Variants in NPHS1 observed in about 807,000 individuals in gnomAD.
NPHS1 encodes the protein NPHS1 adhesion molecule, nephrin.
NPHS1 carries 107 observed loss-of-function variants against 139.7 expected under a neutral mutation model. The ratio of observed to expected loss-of-function variants is 0.77; its 90% CI spans 0.66 to 0.90. NPHS1 has a LOEUF of 0.90. NPHS1 is among the 40% of genes least tolerant of loss of function. NPHS1 has a pLI of 0.00. For missense variants in NPHS1, 1,580 were observed against 1,654.2 expected (o/e 0.96, Z 0.78); for synonymous variants, 707 against 706.6 (o/e 1.00, Z -0.01).
rs1007467095 is a variant in NPHS1, at chr19:35,850,355, T to G, written c.608+9A>C. ...GGTCAAGGTTGGGGGGTTGTTTCAG[T>G]TTCCACACCTGGCTGTGGCCTCCAC... On this transcript the variant is annotated intron_variant, in intron 5 of 28. Transcript: ENST00000378910. 6.2e-7 allele frequency: 1 copy of G among 1,612,854 alleles called. No individual in the cohort carries two copies. Among genetic ancestry groups the G allele is most frequent in the South Asian group, 1.1e-5 (1 of 91,060 alleles).
chr19:35,844,001 T>G (rs1036498561), intron 16 of NPHS1, 102 bp downstream of exon 16: 2 of 1,491,830 alleles, frequency 1.3e-6, no homozygotes, highest in Non-Finnish European at 1.8e-6. Context: ...GGTTCCAGGA[T>G]GGGTGGCTAT....
intron 20 of NPHS1, among the ~76,000 whole-genome samples, chr19:35,840,617 A>C (rs1227959695): frequency 2.6e-5 from 4 of 151,586 alleles, no homozygotes; most frequent in African/African-American, 9.7e-5. Context: ...TACAGGTGTG[A>C]GCCACTGCAC....
At position 35,851,549 on chromosome 19, in the gene NPHS1, G is replaced by A. The variant is rs116620503; in HGVS notation, c.182C>T (p.Ala61Val). ...CAGCCCATCTTTGGCCCATTGCACC[G>A]CACTGCCAGGGGTGCTGACCCCACA... ...LRCGVSTPGS[A>V]VQWAKDGLLL... Residue 61 changes from alanine to valine, a missense_variant, in exon 2 of 29, where the codon GCG becomes GTG. Transcript: ENST00000378910. 43 of 1,613,696 alleles carry A rather than the reference G, an allele frequency of 2.7e-5. No homozygotes were observed. The East Asian group carries it at 6.0e-4, about 23-fold the overall frequency.
chr19:35,845,767 G>T lies in NPHS1; in HGVS notation c.1659C>A (p.Asn553Lys). 6.2e-7 allele frequency: 1 copy of T among 1,614,078 alleles called. No homozygotes were observed. Among genetic ancestry groups the T allele is most frequent in the South Asian group, 1.1e-5 (1 of 91,082 alleles). ...CGTCTCCCGGGCGCAGTGCGGATGC[G>T]TTGGCCAGGATCGTCACGTTAGTTG... ...FPPTNVTILA[N>K]ASALRPGDAL... The change falls in exon 13 of 29, where the codon AAC becomes AAA. Residue 553 changes from asparagine (N) to lysine (K), a missense_variant. Coordinates refer to ENST00000378910, the MANE Select transcript of NPHS1 (RefSeq NM_004646.4). The surrounding 1 kb of genome is among the most constrained non-coding windows in gnomAD (Gnocchi z 5.5).
At position 35,842,249 on chromosome 19, in the gene NPHS1, T is replaced by G; in HGVS notation, c.2538A>C (p.Leu846=). The change falls in exon 19 of 29, where the codon CTA becomes CTC. Residue 846 remains leucine (L), a synonymous_variant. Coordinates refer to ENST00000378910, the MANE Select transcript of NPHS1 (RefSeq NM_004646.4). ...TGTCTCCAGCTGCAGCCACCTTAGT[T>G]AGGGGAGTGGGGTGCTCCACCTGGG... ...FAPQVEHPTP[L]TKVAAAGDST... 1 of 1,613,268 alleles carries G rather than the reference T, an allele frequency of 6.2e-7. No individual in the cohort carries two copies. Among genetic ancestry groups the G allele is most frequent in the Non-Finnish European group, 8.5e-7 (1 of 1,179,940 alleles).
Position 35,851,171 on chromosome 19 carries a change from A to G in NPHS1, c.398-82T>C, listed in dbSNP as rs910280163. 6.2e-6 allele frequency: 10 copies of G among 1,612,716 alleles called. No homozygotes were observed. The Admixed American group carries it at 1.0e-4, about 16-fold the overall frequency. Reference sequence around the variant, plus strand: ...GAGTTCGGTACCCAGAGTCTGGGAGAGGAGAGGCTGGGGGCTTGGACTTCC... The same window carrying G: ...GAGTTCGGTACCCAGAGTCTGGGAGGGGAGAGGCTGGGGGCTTGGACTTCC... On this transcript the variant is annotated intron_variant, in intron 3 of 28. Transcript: ENST00000378910.
chr19:35,844,567 G>A, intron 14 of NPHS1, 108 bp from the exon 15 acceptor site: 1 of 1,187,290 alleles, frequency 8.4e-7, no homozygotes, highest in Non-Finnish European at 1.2e-6. Flanking sequence ...TCACGACGGG[G>A]TTTAAGGTTG....
In NPHS1 at chr19:35,835,764, G is replaced by A; in HGVS notation, c.3110-3C>T. ...TTCTCCAGAAGGCTGGTGGAGACCT[G>A]GGGGGTGGATATACAGATTGTGACT... On this transcript the variant is annotated splice_polypyrimidine_tract_variant and splice_region_variant and intron_variant, in intron 22 of 28. Coordinates refer to ENST00000378910, the MANE Select transcript of NPHS1 (RefSeq NM_004646.4). 3 of 1,611,304 alleles carry A rather than the reference G, an allele frequency of 1.9e-6. No individual in the cohort carries two copies. The highest frequency in any genetic ancestry group is 1.3e-5 in the African/African-American group (1 of 74,908).
intron 22 of NPHS1, among the ~76,000 whole-genome samples, chr19:35,837,308 C>T (rs1972981062): frequency 6.6e-6 from 1 of 152,160 alleles, no homozygotes; most frequent in Admixed American, 6.5e-5. Flanking sequence ...TAAAGTTATC[C>T]ATAATATTCC....
chr19:35,839,272 G>C lies in NPHS1; in HGVS notation c.3074C>G (p.Ala1025Gly), dbSNP rs1973018876. ...ASNALGDSGL[A>G]DKGTQLPITT... ...GATGGGAAGCTGGGTCCCTTTGTCA[G>C]CCAGTCCACTGTCCCCCAAGGCATT... Residue 1025 changes from alanine to glycine, a missense_variant, in exon 22 of 29, where the codon GCT becomes GGT. By Grantham distance (60) the Ala-to-Gly change is moderately conservative. Transcript: ENST00000378910. The C allele has an allele frequency of 6.2e-7, 1 of 1,614,058 alleles. No individual in the cohort carries two copies. Among genetic ancestry groups the C allele is most frequent in the African/African-American group, 1.3e-5 (1 of 74,918 alleles).
At position 35,842,275 on chromosome 19, in the gene NPHS1, G is replaced by A; in HGVS notation, c.2512C>T (p.Pro838Ser). The change falls in exon 19 of 29, where the codon CCC becomes TCC. Residue 838 changes from proline to serine, a missense_variant. Coordinates refer to ENST00000378910, the MANE Select transcript of NPHS1 (RefSeq NM_004646.4). Reference sequence around the variant, plus strand: ...AGGGGAGTGGGGTGCTCCACCTGGGGGGCAACTGGGAGGGGATGGGCAGTC... The same window carrying A: ...AGGGGAGTGGGGTGCTCCACCTGGGAGGCAACTGGGAGGGGATGGGCAGTC... ...RLLRLVVRFA[P>S]QVEHPTPLTK... 4.3e-6 allele frequency: 7 copies of A among 1,612,608 alleles called. No homozygotes were observed. The South Asian group carries it at 7.7e-5, about 18-fold the overall frequency.
chr19:35,842,070 G>T, intron 19 of NPHS1, 54 bp downstream of exon 19: 1 of 1,568,148 alleles, frequency 6.4e-7, no homozygotes, highest in Non-Finnish European at 8.7e-7. Context: ...GGGGAAGTGG[G>T]GCTGGAGGTC....
In NPHS1 at chr19:35,845,892, G is replaced by T. The variant is rs1160442197; in HGVS notation, c.1628-94C>A. The stretch of plus-strand genomic sequence containing the variant: ...GCACCCCAGGCTCCGCCCAGTCTCG[G>T]GTCCCCCACCCCGCCTCCGCCCGCT... On this transcript the variant is annotated intron_variant, in intron 12 of 28. Coordinates refer to ENST00000378910, the MANE Select transcript of NPHS1 (RefSeq NM_004646.4). This position sits in a 1 kb window ranked among gnomAD's most constrained non-coding sequence, Gnocchi z 5.5. 6 of 1,540,958 alleles carry T rather than the reference G, an allele frequency of 3.9e-6. No individual in the cohort carries two copies. The highest frequency in any genetic ancestry group is 5.3e-6 in the Non-Finnish European group (6 of 1,141,880).
At chr19:35,830,734 G>A (rs1972865421) in intron 28 of NPHS1, 110 bp downstream of exon 28, 2 of 793,894 alleles carry the variant, frequency 2.5e-6, no homozygotes, top group African/African-American at 1.7e-5. Flanking sequence ...ACTGGATCAT[G>A]GTCAGGCCTC....
Position 35,826,281 on chromosome 19 carries a change from C to A in NPHS1, c.*233G>T, listed in dbSNP as rs1435828458. The stretch of plus-strand genomic sequence containing the variant: ...TTTTGAGACGACGTTTACAATCTGC[C>A]CTGTCCTTTTGGAGAAGTTTAGTTT... On this transcript the variant is annotated 3_prime_UTR_variant, in exon 29 of 29. Transcript: ENST00000378910. The A allele has an allele frequency of 1.8e-6, 1 of 542,870 alleles. No homozygotes were observed. Among genetic ancestry groups the A allele is most frequent in the Non-Finnish European group, 3.3e-6 (1 of 301,606 alleles). The allele number at this position is 542,870 out of a possible 1,614,324, so 33.6% of individuals were successfully genotyped here. A position where few individuals can be genotyped will look rare whatever the true frequency, so the allele number is the denominator to read the frequency against.
intron 9 of NPHS1, 114 bp from the exon 10 acceptor site, chr19:35,848,511 C>A (rs1003802729): frequency 3.2e-6 from 5 of 1,583,350 alleles, no homozygotes; most frequent in East Asian, 2.3e-5. Flanking sequence ...CTACCTCCCC[C>A]TCTGTTGGAC....
Position 35,825,976 on chromosome 19 carries a change from C to T in NPHS1, c.*538G>A, listed in dbSNP as rs71354105. On this transcript the variant is annotated 3_prime_UTR_variant, in exon 29 of 29. Transcript: ENST00000378910. ...ATTTTTATTTTTTGAGACAGAATCTCGCTCTGTCGCCCAGGCTGGAGTGCA... is the reference window on the plus strand; with the variant it reads ...ATTTTTATTTTTTGAGACAGAATCTTGCTCTGTCGCCCAGGCTGGAGTGCA... 11,182 of 152,568 alleles carry T rather than the reference C, an allele frequency of 0.073. 536 individuals are homozygous for T. The highest frequency in any genetic ancestry group is 0.15 in the Middle Eastern group (44 of 294). The allele number at this position is 152,568 out of a possible 1,614,324, so 9.5% of individuals were successfully genotyped here.
intron 22 of NPHS1, among the ~76,000 whole-genome samples, chr19:35,836,434 T>C (rs927533354): frequency 5.9e-5 from 9 of 151,994 alleles, no homozygotes; most frequent in African/African-American, 2.2e-4. Context: ...AAAAATTAAC[T>C]GTTGATGAGC....
rs1555763372 is a variant in NPHS1 at position 35,848,786 on chromosome 19, TA to T, written c.1020del (p.Ser341ValfsTer17). On this transcript the variant is annotated frameshift_variant, in exon 9 of 29. Transcript: ENST00000378910. LOFTEE classifies it high-confidence loss of function. ...HGITLQVTFP[P>X]SAIIILGSAS... is the part of the protein sequence containing the mutation. ...GCAGATCCCAAGATAATAATGGCACTAGGGGGAACTGCAGGGACAGAGAAGG... is the reference window on the plus strand; with the variant it reads ...GCAGATCCCAAGATAATAATGGCACTGGGGGAACTGCAGGGACAGAGAAGG... The T allele has an allele frequency of 6.2e-7, 1 of 1,614,076 alleles. No individual in the cohort carries two copies. The highest frequency in any genetic ancestry group is 8.5e-7 in the Non-Finnish European group (1 of 1,180,012).
Sources: gnomAD v4.1 joint callset for allele counts (sites outside exome capture counted in the v4.1 genomes callset) on GRCh38, gnomAD v4.1.1 for gene constraint, Gnocchi (gnomAD v3.1) non-coding constraint, MANE v1.5 for transcripts, NCBI Gene and HGNC (gene_info 2026-07-23, HGNC 2026-07-21) for gene names.